FAM83B: variants seen among roughly 807,000 people sequenced by gnomAD.
FAM83B encodes protein FAM83B.
Under a neutral mutation model 38.8 loss-of-function variants are expected in FAM83B, and 26 were observed. The ratio of observed to expected loss-of-function variants is 0.67; its 90% CI spans 0.49 to 0.93. FAM83B has a LOEUF of 0.93. Among genes scored for constraint, FAM83B ranks in the 40% least tolerant of loss-of-function variants. FAM83B has a pLI of 0.00. For synonymous variants in FAM83B, 419 were observed against 423.1 expected (o/e 0.99, Z 0.12); for missense variants, 1,237 against 1,197.3 (o/e 1.03, Z -0.49).
intron 4 of FAM83B, among the ~76,000 whole-genome samples, chr6:54,936,184 A>G (rs1040294641): frequency 2.6e-5 from 4 of 152,154 alleles, no homozygotes; most frequent in African/African-American, 9.6e-5. Context: ...AATATATTCA[A>G]TGAATGTCTT....
At chr6:54,890,539 C>T (rs114987876) in intron 2 of FAM83B, among the ~76,000 whole-genome samples, 2,516 of 152,048 alleles carry the variant, frequency 0.017, 65 homozygotes, top group African/African-American at 0.056. Flanking sequence ...AATTAAGAGT[C>T]CAAACAATTA....
In FAM83B at chr6:54,939,749, A is replaced by G; in HGVS notation, c.778A>G (p.Ile260Val). 6.2e-7 allele frequency: 1 copy of G among 1,613,190 alleles called. No homozygotes were observed. Among genetic ancestry groups the G allele is most frequent in the Non-Finnish European group, 8.5e-7 (1 of 1,179,662 alleles). The change falls in exon 5 of 5, where the codon ATA (isoleucine) becomes GTA (valine). Residue 260 changes from isoleucine to valine, a missense_variant. Physicochemically the swap from Ile to Val is conservative, Grantham distance 29. Transcript: ENST00000306858. ...GAAAGCTCACCTCAGCATGGTTCAG[A>G]TAATTACAGGACAACTTGTTGAGTC... ...FEKAHLSMVQ[I>V]ITGQLVESFD...
At chr6:54,912,059 A>G (rs369086821) in intron 2 of FAM83B, among the ~76,000 whole-genome samples, 2 of 151,800 alleles carry the variant, frequency 1.3e-5, no homozygotes, top group African/African-American at 2.4e-5. Flanking sequence ...TTCTTTAATC[A>G]TTATATTTCA....
chr6:54,890,408 T>A (rs1772372878), intron 2 of FAM83B, among the ~76,000 whole-genome samples: 1 of 152,128 alleles, frequency 6.6e-6, no homozygotes, highest in Admixed American at 6.6e-5. Flanking sequence ...TTTTTAGGAT[T>A]TATTTACGTA....
intron 2 of FAM83B, among the ~76,000 whole-genome samples, chr6:54,901,388 T>A (rs1178334370): frequency 2.0e-5 from 3 of 152,040 alleles, no homozygotes; most frequent in Non-Finnish European, 4.4e-5. Flanking sequence ...CTTATTATCC[T>A]CTTGAGCAAA....
intron 1 of FAM83B, among the ~76,000 whole-genome samples, chr6:54,860,558 T>C (rs1284129992): frequency 3.3e-5 from 5 of 152,142 alleles, no homozygotes; most frequent in African/African-American, 1.2e-4. Flanking sequence ...GTAACCAGGA[T>C]TGTGTGATAC....
Position 54,850,791 on chromosome 6 carries a change from C to T in FAM83B, c.-61+3965C>T, listed in dbSNP as rs140599381. Among the ~76,000 whole-genome samples, 618 of 152,046 alleles carry T rather than the reference C, an allele frequency of 4.1e-3. 3 individuals are homozygous for T. The highest frequency in any genetic ancestry group is 7.6e-3 in the Non-Finnish European group (514 of 67,950). On this transcript the variant is annotated intron_variant, in intron 1 of 4. Coordinates refer to ENST00000306858, the MANE Select transcript of FAM83B (RefSeq NM_001010872.3). Reference sequence around the variant, plus strand: ...ATCCCAGCACTTTGGGAGGCTGAGGCGGGTGGATCACAAGGTCAGGAGTTT... The same window carrying T: ...ATCCCAGCACTTTGGGAGGCTGAGGTGGGTGGATCACAAGGTCAGGAGTTT...
Position 54,940,671 on chromosome 6 carries a change from C to T in FAM83B, c.1700C>T (p.Thr567Ile). 6.2e-7 allele frequency: 1 copy of T among 1,614,036 alleles called. No homozygotes were observed. Among genetic ancestry groups the T allele is most frequent in the Non-Finnish European group, 8.5e-7 (1 of 1,180,010 alleles). ...NSCTTGSSNSTIIGSQGSETP... is the reference protein window; with the variant it reads ...NSCTTGSSNSIIIGSQGSETP... ...TGTACAACTGGCTCCTCAAATTCAA[C>T]TATCATTGGTTCTCAGGGAAGTGAG... The change falls in exon 5 of 5, where the codon ACT (threonine) becomes ATT (isoleucine). Residue 567 changes from threonine to isoleucine, a missense_variant. Transcript: ENST00000306858.
intron 2 of FAM83B, among the ~76,000 whole-genome samples, chr6:54,881,346 G>A (rs970997779): frequency 1.3e-5 from 2 of 152,096 alleles, no homozygotes; most frequent in East Asian, 1.9e-4. Context: ...AACTGTTTCT[G>A]TGTAATCATC....
intron 1 of FAM83B, among the ~76,000 whole-genome samples, chr6:54,859,208 C>T (rs950889280): frequency 3.9e-5 from 6 of 151,940 alleles, no homozygotes; most frequent in Non-Finnish European, 8.8e-5. Context: ...ATTACAGGTA[C>T]CCACCACCAT....
chr6:54,865,467 A>G lies in FAM83B; in HGVS notation c.-60-4720A>G, dbSNP rs182605225. On this transcript the variant is annotated intron_variant, in intron 1 of 4. Transcript: ENST00000306858. ...TCTGCAAAGACCCTATTTCCATGTA[A>G]GGTCACATTCACCGGTAATGCAGGT... Among the ~76,000 whole-genome samples the G allele has an allele frequency of 3.3e-5, 5 of 152,322 alleles. No homozygotes were observed. The East Asian group carries it at 7.7e-4, about 24-fold the overall frequency.
At chr6:54,856,004 A>G (rs1432536392) in intron 1 of FAM83B, among the ~76,000 whole-genome samples, 1 of 152,242 alleles carries the variant, frequency 6.6e-6, no homozygotes, top group Non-Finnish European at 1.5e-5. Context: ...TATAGATAAC[A>G]TAATCAATGA....
At chr6:54,933,972 T>G (rs980074283) in intron 4 of FAM83B, among the ~76,000 whole-genome samples, 1 of 152,118 alleles carries the variant, frequency 6.6e-6, no homozygotes, top group African/African-American at 2.4e-5. Flanking sequence ...GGAATAGGAA[T>G]GAGCTGGCCA....
intron 2 of FAM83B, among the ~76,000 whole-genome samples, chr6:54,914,750 C>G (rs1021692494): frequency 6.6e-6 from 1 of 152,108 alleles, no homozygotes; most frequent in Admixed American, 6.5e-5. Context: ...AGCAGCTATT[C>G]TGATCTTTTT....
Position 54,941,067 on chromosome 6 carries a change from C to G in FAM83B, c.2096C>G (p.Pro699Arg). 1 of 1,613,312 alleles carries G rather than the reference C, an allele frequency of 6.2e-7. No homozygotes were observed. Residue 699 changes from proline (P) to arginine (R), a missense_variant, in exon 5 of 5, where the codon CCC becomes CGC. Transcript: ENST00000306858. ...AATCGAGTTAGACAACCAGAAAAGCCCAAAGAAGATTTGCTGAAAAGTTCT... is the reference window on the plus strand; with the variant it reads ...AATCGAGTTAGACAACCAGAAAAGCGCAAAGAAGATTTGCTGAAAAGTTCT... The part of the protein sequence containing the change: ...TRNRVRQPEK[P>R]KEDLLKSSKS...
In FAM83B at chr6:54,941,478, C is replaced by G. The variant is rs766792572; in HGVS notation, c.2507C>G (p.Ser836Trp). 1.2e-6 allele frequency: 2 copies of G among 1,613,790 alleles called. No homozygotes were observed. Among genetic ancestry groups the G allele is most frequent in the Non-Finnish European group, 1.7e-6 (2 of 1,179,942 alleles). Residue 836 changes from serine to tryptophan, a missense_variant, in exon 5 of 5, where the codon TCG becomes TGG. Transcript: ENST00000306858. ...CCTAGAAGAAAGCATTCTTCCTCAT[C>G]GAATTCTCAAGGCAGCATCCACAAG... ...SSPRRKHSSSSNSQGSIHKSK... is the reference protein window; with the variant it reads ...SSPRRKHSSSWNSQGSIHKSK...
Position 54,923,349 on chromosome 6 carries a change from A to G in FAM83B, c.445-3022A>G, listed in dbSNP as rs369966762. 3.3e-5 allele frequency among the ~76,000 whole-genome samples: 5 copies of G among 152,048 alleles called. No homozygotes were observed. The East Asian group carries it at 7.7e-4, about 23-fold the overall frequency. On this transcript the variant is annotated intron_variant, in intron 2 of 4. Transcript: ENST00000306858. ...CCTTTCTATATCAAACTTAAAGCCCATGATCAATCATTTCAGCCACTCCAT... is the reference window on the plus strand; with the variant it reads ...CCTTTCTATATCAAACTTAAAGCCCGTGATCAATCATTTCAGCCACTCCAT...
At chr6:54,869,672 G>T (rs1187133583) in intron 1 of FAM83B, among the ~76,000 whole-genome samples, 1 of 152,084 alleles carries the variant, frequency 6.6e-6, no homozygotes, top group Admixed American at 6.6e-5. Flanking sequence ...TAACTCATTT[G>T]CTCCATATTG....
chr6:54,873,795 G>A (rs969418313), intron 2 of FAM83B, among the ~76,000 whole-genome samples: 11 of 151,082 alleles, frequency 7.3e-5, no homozygotes, highest in African/African-American at 1.5e-4. Flanking sequence ...ACTAGACACC[G>A]TCAAAACAGA....
Sources: gnomAD v4.1 joint callset for allele counts (sites outside exome capture counted in the v4.1 genomes callset) on GRCh38, gnomAD v4.1.1 for gene constraint, MANE v1.5 for transcripts, NCBI Gene and HGNC (gene_info 2026-07-23, HGNC 2026-07-21) for gene names.